The following CNMD variants were observed in gnomAD, a reference collection of about 807,000 sequenced individuals.
CNMD encodes leukocyte cell-derived chemotaxin 1.
In CNMD, 30 loss-of-function variants were observed where a neutral mutation model predicts 37.5. The ratio of observed to expected loss-of-function variants is 0.80; its 90% CI spans 0.60 to 1.09. CNMD has a LOEUF of 1.09. CNMD is among the 50% of genes least tolerant of loss of function. CNMD has a pLI of 0.00. For synonymous variants in CNMD, 167 were observed against 148.2 expected, an observed-to-expected ratio of 1.13 and a Z score of -0.92; for missense variants, 398 against 423.9, an observed-to-expected ratio of 0.94 and a Z score of 0.54.
At position 52,739,079 on chromosome 13, in the gene CNMD, G is replaced by C; in HGVS notation, c.165C>G (p.Leu55=). ...VVLISGAVLL[L]FGAIGAFYFW... is the part of the protein sequence containing the mutation. ...AGTAGAAGGCCCCGATGGCCCCAAA[G>C]AGCAGCAGCACAGCTCCCGAAATGA... is the stretch of plus-strand genomic sequence containing the variant. The change falls in exon 2 of 7, where the codon CTC becomes CTG. Residue 55 remains leucine, a synonymous_variant. Transcript: ENST00000377962. This position sits in a 1 kb window ranked among gnomAD's most constrained non-coding sequence, Gnocchi z 5.4. The C allele has an allele frequency of 1.3e-6, 2 of 1,582,606 alleles. No individual in the cohort carries two copies. Among genetic ancestry groups the C allele is most frequent in the Non-Finnish European group, 1.7e-6 (2 of 1,167,398 alleles).
At chr13:52,709,529 A>G (rs1446221564) in intron 5 of CNMD, among the ~76,000 whole-genome samples, 1 of 152,212 alleles carries the variant, frequency 6.6e-6, no homozygotes, top group Non-Finnish European at 1.5e-5. Context: ...AAATGCTTTT[A>G]TATATGAGGG....
chr13:52,738,921 C>T, intron 2 of CNMD, 110 bp downstream of exon 2: 2 of 1,059,086 alleles, frequency 1.9e-6, no homozygotes, highest in South Asian at 2.8e-5. Flanking sequence ...TCACGCTGGG[C>T]CCGAGGGGCC....
intron 4 of CNMD, among the ~76,000 whole-genome samples, chr13:52,723,618 G>A (rs4338683): frequency 0.99 from 151,189 of 152,334 alleles, 75,027 homozygotes; most frequent in East Asian, 1. Context: ...ACCTATCCAG[G>A]TACTAGAAAC....
chr13:52,715,501 A>G (rs1566221979), intron 4 of CNMD, among the ~76,000 whole-genome samples: 1 of 152,076 alleles, frequency 6.6e-6, no homozygotes, highest in Non-Finnish European at 1.5e-5. Flanking sequence ...TTCTTCCCCT[A>G]GCACTCCCAC....
At chr13:52,710,858 C>T (rs1459012361) in intron 5 of CNMD, among the ~76,000 whole-genome samples, 2 of 152,044 alleles carry the variant, frequency 1.3e-5, no homozygotes, top group Non-Finnish European at 2.9e-5. Flanking sequence ...GGGAACAAGC[C>T]ACATCTTGGA....
At chr13:52,730,399 C>G (rs1273250381) in intron 3 of CNMD, among the ~76,000 whole-genome samples, 1 of 152,080 alleles carries the variant, frequency 6.6e-6, no homozygotes, top group Admixed American at 6.6e-5. Context: ...AATCGCCACA[C>G]TGACTTCCAC....
rs150571189 is a variant in CNMD at position 52,730,878 on chromosome 13, G to A, written c.354+2341C>T. 3.4e-3 allele frequency among the ~76,000 whole-genome samples: 513 copies of A among 152,154 alleles called. 3 individuals carry two copies. Among genetic ancestry groups the A allele is most frequent in the African/African-American group, 0.011 (464 of 41,508 alleles). On this transcript the variant is annotated intron_variant, in intron 3 of 6. Transcript: ENST00000377962. ...TCCGTCGGGGGTTGTTTTCTTCCAC[G>A]GGGTTCTACTAAAATCTTGGTGGGG...
At chr13:52,725,162 A>G (rs551314379) in intron 3 of CNMD, among the ~76,000 whole-genome samples, 172 of 152,324 alleles carry the variant, frequency 1.1e-3, no homozygotes, top group African/African-American at 4.1e-3. Flanking sequence ...CTGCTTTCCC[A>G]TAAGTCCTCC....
Position 52,733,370 on chromosome 13 carries a change from G to C in CNMD, c.214-11C>G. On this transcript the variant is annotated splice_polypyrimidine_tract_variant and intron_variant, in intron 2 of 6. Transcript: ENST00000377962. The stretch of plus-strand genomic sequence containing the variant: ...ATGGACATTGTAAATCTGAAAGTGA[G>C]CATAAGAGTTAGTGATGCTTTCTTT... 6.2e-7 allele frequency: 1 copy of C among 1,613,584 alleles called. No individual in the cohort carries two copies. Among genetic ancestry groups the C allele is most frequent in the Non-Finnish European group, 8.5e-7 (1 of 1,179,516 alleles).
At chr13:52,720,917 C>T (rs971591529) in intron 4 of CNMD, among the ~76,000 whole-genome samples, 5 of 152,224 alleles carry the variant, frequency 3.3e-5, no homozygotes, top group Middle Eastern at 3.2e-3. Context: ...GCCCCTTCCC[C>T]CAGGTGCTCT....
At chr13:52,706,024 A>G (rs1964168569) in intron 6 of CNMD, among the ~76,000 whole-genome samples, 2 of 152,362 alleles carry the variant, frequency 1.3e-5, no homozygotes, top group South Asian at 4.1e-4. Context: ...CTTTTCTAAA[A>G]TATTTTTAAA....
At position 52,703,889 on chromosome 13, in the gene CNMD, T is replaced by A. The variant is rs1964131913; in HGVS notation, c.790-79A>T. 2.4e-6 allele frequency: 3 copies of A among 1,252,178 alleles called. No homozygotes were observed. In the African/African-American group the frequency reaches 4.5e-5, roughly 19 times the overall value. 77.6% of individuals were successfully genotyped at this position (1,252,178 alleles called of 1,614,324 possible). A position where few individuals can be genotyped will look rare whatever the true frequency, so the allele number is the denominator to read the frequency against. ...CATGCATGTTATTTTTAAATAAGAT[T>A]CTGAATTTTTCACTGCTACAGGAAG... On this transcript the variant is annotated intron_variant, in intron 6 of 6. Coordinates refer to ENST00000377962, the MANE Select transcript of CNMD (RefSeq NM_007015.3).
intron 5 of CNMD, among the ~76,000 whole-genome samples, chr13:52,709,100 G>A (rs1372457079): frequency 3.3e-5 from 5 of 152,248 alleles, no homozygotes; most frequent in South Asian, 2.1e-4. Context: ...AGCAGAATAC[G>A]CTAGTGCAGT....
chr13:52,739,369 A>G lies in CNMD; in HGVS notation c.73-198T>C, dbSNP rs1005989204. On this transcript the variant is annotated intron_variant, in intron 1 of 6. Coordinates refer to ENST00000377962, the MANE Select transcript of CNMD (RefSeq NM_007015.3). The surrounding 1 kb of genome is among the most constrained non-coding windows in gnomAD (Gnocchi z 5.4). ...TGCAGTCGGGCGTGGAAGTGGGATG[A>G]GCAAACCCCGCAGCACAGGGCCTTC... The G allele has an allele frequency of 2.9e-6, 2 of 701,680 alleles. No individual in the cohort carries two copies. The highest frequency in any genetic ancestry group is 4.6e-6 in the Non-Finnish European group (2 of 437,534). 43.5% of individuals were successfully genotyped at this position (701,680 alleles called of 1,614,324 possible).
At chr13:52,722,466 G>T (rs145452079) in intron 4 of CNMD, among the ~76,000 whole-genome samples, 3 of 152,114 alleles carry the variant, frequency 2.0e-5, no homozygotes, top group African/African-American at 7.2e-5. Flanking sequence ...TAACAACAAT[G>T]AGCAGCAGCC....
rs1964857012 is a variant in CNMD at position 52,739,790 on chromosome 13, C to T, written c.-89G>A. The T allele has an allele frequency of 2.6e-6, 3 of 1,153,490 alleles. No homozygotes were observed. The East Asian group carries it at 7.3e-5, about 28-fold the overall frequency. 71.5% of individuals were successfully genotyped at this position (1,153,490 alleles called of 1,614,324 possible). Reference sequence around the variant, plus strand: ...CCCCGACGTGCAGGGCATTTCAACGCCGCGCGCACACACGGTGCACGGTCC... The same window carrying T: ...CCCCGACGTGCAGGGCATTTCAACGTCGCGCGCACACACGGTGCACGGTCC... On this transcript the variant is annotated 5_prime_UTR_variant, in exon 1 of 7. Coordinates refer to ENST00000377962, the MANE Select transcript of CNMD (RefSeq NM_007015.3). The surrounding 1 kb of genome is among the most constrained non-coding windows in gnomAD (Gnocchi z 5.4).
intron 4 of CNMD, among the ~76,000 whole-genome samples, chr13:52,716,124 G>A (rs1594280472): frequency 6.6e-6 from 1 of 152,130 alleles, no homozygotes; most frequent in East Asian, 1.9e-4. Context: ...TTTTTTTCAT[G>A]TTTGTTGGCC....
intron 6 of CNMD, among the ~76,000 whole-genome samples, chr13:52,706,303 C>T (rs917739248): frequency 2.0e-5 from 3 of 152,132 alleles, no homozygotes; most frequent in African/African-American, 7.2e-5. Context: ...TGGTATCCTC[C>T]ATTAAAATGT....
Position 52,739,029 on chromosome 13 carries a change from AC to A in CNMD, c.213+1del. On this transcript the variant is annotated splice_donor_variant, in intron 2 of 6. Coordinates refer to ENST00000377962, the MANE Select transcript of CNMD (RefSeq NM_007015.3). LOFTEE classifies it high-confidence loss of function. This position sits in a 1 kb window ranked among gnomAD's most constrained non-coding sequence, Gnocchi z 5.4. ...TCCCCGCGCGCCGCCCTCTGGACTT[AC>A]GTGACTGTCGCTCCCCTTCCAGAAG... The A allele has an allele frequency of 1.3e-6, 2 of 1,575,384 alleles. No homozygotes were observed. The highest frequency in any genetic ancestry group is 2.6e-5 in the East Asian group (1 of 38,868).
Sources: allele counts gnomAD v4.1 joint callset (sites outside exome capture counted in the v4.1 genomes callset), GRCh38; gene constraint gnomAD v4.1.1; non-coding constraint Gnocchi (gnomAD v3.1); transcripts MANE v1.5; gene names NCBI Gene and HGNC (gene_info 2026-07-23, HGNC 2026-07-21).